Variants in BRI3 observed in about 807,000 individuals in gnomAD.
BRI3 encodes membrane protein BRI3.
BRI3 carries 6 observed loss-of-function variants against 12.8 expected under a neutral mutation model. That is an observed-to-expected ratio of 0.47 (90% confidence interval 0.26 to 0.93). The LOEUF is 0.93. BRI3 is among the 40% of genes least tolerant of loss of function. BRI3 has a pLI of 0.15. For missense variants in BRI3, 134 were observed against 171.1 expected, an observed-to-expected ratio of 0.78 and a Z score of 1.21; for synonymous variants, 91 against 76.1, an observed-to-expected ratio of 1.20 and a Z score of -1.02.
chr7:98,315,600 C>T, the BRI3 span: 50 of 1,396,566 alleles, frequency 3.6e-5, no homozygotes, highest in Admixed American at 1.1e-3. Flanking sequence ...CGAGAAGTAA[C>T]GGTCTCCACA....
downstream of BRI3, chr7:98,292,576 T>C (rs1800013266): frequency 6.7e-7 from 1 of 1,488,216 alleles, no homozygotes; most frequent in Non-Finnish European, 9.2e-7. Context: ...CTCACATCCA[T>C]ACCATAGGGC....
intron 1 of BRI3, among the ~76,000 whole-genome samples, chr7:98,298,182 C>T (rs559222823): frequency 3.3e-5 from 5 of 152,240 alleles, no homozygotes; most frequent in South Asian, 2.1e-4. Flanking sequence ...TCTAATAAGA[C>T]GCGCCGTCAC....
intron 1 of BRI3, among the ~76,000 whole-genome samples, chr7:98,300,263 C>CCCCTGCT (rs1429816865): frequency 3.0e-4 from 2 of 6,768 alleles, no homozygotes; most frequent in Non-Finnish European, 4.6e-4. Context: ...ACAGCCATTC[C>CCCCTGCT]CCCTGCTCCC....
At chr7:98,293,982 C>T, downstream of BRI3, 3 of 1,413,646 alleles carry the variant, frequency 2.1e-6, no homozygotes, top group East Asian at 2.3e-5. Flanking sequence ...TCAGGCTGGA[C>T]CCCCTGGGCT....
chr7:98,309,371 TCTCGAA>T (rs1461370784), exon 2 of BRI3: 7 of 152,064 alleles, frequency 4.6e-5, no homozygotes, highest in African/African-American at 1.4e-4. Flanking sequence ...GCCAGGCTGG[TCTCGAA>T]CTCCTGACAT....
chr7:98,301,494 T>TATA (rs1562964491), intron 1 of BRI3, among the ~76,000 whole-genome samples: 3 of 149,364 alleles, frequency 2.0e-5, no homozygotes, highest in African/African-American at 2.5e-5. Flanking sequence ...TATATATATA[T>TATA]TTTAAGTGGA....
downstream of BRI3, among the ~76,000 whole-genome samples, chr7:98,295,820 G>A (rs1304230085): frequency 6.6e-6 from 1 of 152,158 alleles, no homozygotes; most frequent in Admixed American, 6.5e-5. Context: ...ACTTTAAAAA[G>A]GTCCCAGTAA....
downstream of BRI3, among the ~76,000 whole-genome samples, chr7:98,294,345 G>A (rs1056709567): frequency 1.3e-5 from 2 of 152,102 alleles, no homozygotes; most frequent in African/African-American, 2.4e-5. Flanking sequence ...AAAACATAAG[G>A]GATGTTTAAA....
chr7:98,318,668 G>A, the BRI3 span, among the ~76,000 whole-genome samples: 26 of 151,708 alleles, frequency 1.7e-4, no homozygotes, highest in Admixed American at 2.6e-4. Context: ...ATGTCTGGCC[G>A]GCATGGTGGC....
chr7:98,288,616 T>C (rs1799792217), intron 2 of BRI3, among the ~76,000 whole-genome samples: 1 of 151,630 alleles, frequency 6.6e-6, no homozygotes, highest in Non-Finnish European at 1.5e-5. Context: ...ACAGGTGGCG[T>C]TGTGTGAGTT....
intron 2 of BRI3, among the ~76,000 whole-genome samples, chr7:98,288,708 A>G (rs1186406975): frequency 6.6e-6 from 1 of 151,900 alleles, no homozygotes; most frequent in East Asian, 1.9e-4. Flanking sequence ...GTAGGAGAAA[A>G]GTTTCCCAAA....
chr7:98,306,310 A>C (rs1184705025), upstream of BRI3: 2 of 1,125,696 alleles, frequency 1.8e-6, no homozygotes, highest in African/African-American at 3.1e-5. Context: ...CCGCGGTCTC[A>C]TCTCTGACTA....
At chr7:98,304,366 C>T (rs1800550660), upstream of BRI3, 2 of 1,613,336 alleles carry the variant, frequency 1.2e-6, no homozygotes, top group South Asian at 2.2e-5. Flanking sequence ...ATGCTTCTCA[C>T]TGGTGTGGGG....
At chr7:98,313,712 G>A (rs537216180), downstream of BRI3, among the ~76,000 whole-genome samples, 1 of 152,092 alleles carries the variant, frequency 6.6e-6, no homozygotes, top group South Asian at 2.1e-4. Context: ...TCGAACTCCT[G>A]GGCTCAAACA....
At chr7:98,292,709 A>G (rs1395594074), downstream of BRI3, 6 of 1,551,590 alleles carry the variant, frequency 3.9e-6, no homozygotes, top group South Asian at 1.2e-5. Flanking sequence ...CGGAGAAACC[A>G]GGACCCCGAG....
intron 2 of BRI3, 66 bp from the exon 3 acceptor site, chr7:98,291,037 AAGGGTGGC>A: frequency 6.4e-7 from 1 of 1,567,864 alleles, no homozygotes; most frequent in Non-Finnish European, 8.7e-7. Flanking sequence ...TATTGAATGC[AAGGGTGGC>A]AGGGGTGAGG....
rs757262879 is a variant in BRI3, at chr7:98,306,554, A to G, written n.33A>G. 3 of 1,614,064 alleles carry G rather than the reference A, an allele frequency of 1.9e-6. No individual in the cohort carries two copies. In the East Asian group the frequency reaches 6.7e-5, roughly 36 times the overall value. ...AGGGAGAAAAGACCCTATCAGCAGT[A>G]GACATGTGGACGGCAACCTCCCTGA... On this transcript the variant is annotated non_coding_transcript_exon_variant, in exon 1 of 2. Coordinates refer to the BRI3 transcript ENST00000485422.
intron 2 of BRI3, chr7:98,283,108 G>A (rs1221631392): frequency 6.6e-6 from 1 of 152,218 alleles, no homozygotes; most frequent in African/African-American, 2.4e-5. Flanking sequence ...TTTTGTGGAG[G>A]TTTTGAGGAT....
downstream of BRI3, among the ~76,000 whole-genome samples, chr7:98,297,119 T>C (rs2116796223): frequency 6.6e-6 from 1 of 152,354 alleles, no homozygotes. Context: ...GTGGTTGGGC[T>C]GCAACTGGAG....
Sources: gnomAD v4.1 joint callset for allele counts (sites outside exome capture counted in the v4.1 genomes callset) on GRCh38, gnomAD v4.1.1 for gene constraint, MANE v1.5 for transcripts, NCBI Gene and HGNC (gene_info 2026-07-23, HGNC 2026-07-21) for gene names.